The following LTBP1 variants were observed in gnomAD, a reference collection of about 807,000 sequenced individuals.
LTBP1 encodes the protein latent transforming growth factor beta binding protein 1, also known as latent-transforming growth factor beta-binding protein 1.
A neutral mutation model predicts 207.6 loss-of-function variants in LTBP1; 129 were observed. The ratio of observed to expected loss-of-function variants is 0.62; its 90% CI spans 0.54 to 0.72. LTBP1 has a LOEUF of 0.72. LTBP1 is among the 30% of genes least tolerant of loss of function. The pLI is 0.00. For missense variants in LTBP1, 2,281 were observed against 2,217.2 expected, an observed-to-expected ratio of 1.03 and a Z score of -0.58; for synonymous variants, 963 against 833.7, an observed-to-expected ratio of 1.16 and a Z score of -2.67.
chr2:33,118,297 T>C (rs1274521375), intron 4 of LTBP1, among the ~76,000 whole-genome samples: 1 of 151,670 alleles, frequency 6.6e-6, no homozygotes. Context: ...CAGCCATGAA[T>C]GACCTTACAA....
At chr2:32,995,195 C>A (rs529247041) in intron 2 of LTBP1, among the ~76,000 whole-genome samples, 6 of 148,798 alleles carry the variant, frequency 4.0e-5, no homozygotes, top group African/African-American at 9.8e-5. Flanking sequence ...AAAAAAAAAA[C>A]CGCTCTTCAG....
rs911066278 is a variant in LTBP1 at position 33,303,785 on chromosome 2, C to T, written c.3481+2141C>T. On this transcript the variant is annotated intron_variant, in intron 22 of 33. Coordinates refer to ENST00000404816, the MANE Select transcript of LTBP1 (RefSeq NM_206943.4). ...GAGATGGAGCTCAGGCGGTAATGCT[C>T]GCTCCCTGCTGCTCACCTCCTGCAG... Among the ~76,000 whole-genome samples the T allele has an allele frequency of 5.3e-5, 8 of 152,134 alleles. No individual in the cohort carries two copies. In the South Asian group the frequency reaches 8.3e-4, roughly 16 times the overall value.
chr2:33,181,088 C>G (rs1029694246), intron 5 of LTBP1, among the ~76,000 whole-genome samples: 1 of 152,180 alleles, frequency 6.6e-6, no homozygotes, highest in Admixed American at 6.5e-5. Context: ...TTGAAATGGT[C>G]TGTCTGCTGG....
chr2:33,273,401 G>A (rs771066901), intron 15 of LTBP1, among the ~76,000 whole-genome samples: 10 of 152,090 alleles, frequency 6.6e-5, no homozygotes, highest in Non-Finnish European at 1.3e-4. Flanking sequence ...CTTTTTCTGA[G>A]TTTCTTCTCA....
intron 3 of LTBP1, among the ~76,000 whole-genome samples, chr2:33,054,682 G>A (rs2076902765): frequency 6.6e-6 from 1 of 152,176 alleles, no homozygotes; most frequent in Admixed American, 6.5e-5. Context: ...GGACCTTGAG[G>A]ACAGTCGTCC....
At position 33,045,969 on chromosome 2, in the gene LTBP1, C is replaced by T. The variant is rs372649645; in HGVS notation, c.863+24763C>T. Among the ~76,000 whole-genome samples, 126 of 152,234 alleles carry T rather than the reference C, an allele frequency of 8.3e-4. 2 individuals are homozygous for T. The East Asian group carries it at 0.017, about 20-fold the overall frequency. ...TGATTTTTGCACATCGAATTTGTTT[C>T]CTGAGAATTTGCTGAAGTTGCTTAT... On this transcript the variant is annotated intron_variant, in intron 3 of 33. Transcript: ENST00000404816.
At chr2:33,393,037 T>C (rs1032402804) in intron 32 of LTBP1, among the ~76,000 whole-genome samples, 1 of 152,052 alleles carries the variant, frequency 6.6e-6, no homozygotes, top group African/African-American at 2.4e-5. Context: ...TACTCAATTT[T>C]TTTTTTATGG....
chr2:33,389,261 A>G lies in LTBP1; in HGVS notation c.4789A>G (p.Ser1597Gly), dbSNP rs2095294678. The change falls in exon 32 of 34, where the codon AGT becomes GGT. Residue 1597 changes from serine to glycine, a missense_variant. Around this residue, in one of 3 missense-constraint regions of LTBP1, gnomAD observed 1,671 missense variants for 1,634.8 expected, o/e 1.02. Coordinates refer to ENST00000404816, the MANE Select transcript of LTBP1 (RefSeq NM_206943.4). Reference sequence around the variant, plus strand: ...TGGACGGGACGCCTTGGTTGACTTCAGTGAACAGTATACTCCAGAAGCCGA... The same window carrying G: ...TGGACGGGACGCCTTGGTTGACTTCGGTGAACAGTATACTCCAGAAGCCGA... ...PYGRDALVDF[S>G]EQYTPEADPY... is the part of the protein sequence containing the mutation. The G allele has an allele frequency of 6.2e-7, 1 of 1,614,226 alleles. No homozygotes were observed. The highest frequency in any genetic ancestry group is 8.5e-7 in the Non-Finnish European group (1 of 1,180,046).
rs574081239 is a variant in LTBP1, at chr2:33,154,417, A to G, written c.1201+19457A>G. Among the ~76,000 whole-genome samples the G allele has an allele frequency of 5.3e-5, 8 of 152,266 alleles. No individual in the cohort carries two copies. In the South Asian group the frequency reaches 1.5e-3, roughly 28 times the overall value. On this transcript the variant is annotated intron_variant, in intron 5 of 33. Coordinates refer to ENST00000404816, the MANE Select transcript of LTBP1 (RefSeq NM_206943.4). ...ATTTCTGTCTTCTCCCAGAATCTGA[A>G]TGTACTGGCATATGTGTATATATAT...
In LTBP1 at chr2:33,051,669, T is replaced by C. The variant is rs2076751987; in HGVS notation, c.863+30463T>C. ...CTTGAGGCTGCTCTTGGGTTCCCAGTGCTTGTGTTGCCAAGTTGTGTGAAG... is the reference window on the plus strand; with the variant it reads ...CTTGAGGCTGCTCTTGGGTTCCCAGCGCTTGTGTTGCCAAGTTGTGTGAAG... On this transcript the variant is annotated intron_variant, in intron 3 of 33. Transcript: ENST00000404816. 2.0e-5 allele frequency among the ~76,000 whole-genome samples: 3 copies of C among 152,176 alleles called. 1 individual carries two copies. The South Asian group carries it at 6.2e-4, about 31-fold the overall frequency.
Position 33,217,642 on chromosome 2 carries a change from C to A in LTBP1, c.1792C>A (p.Pro598Thr), listed in dbSNP as rs774958490. The change falls in exon 8 of 34, where the codon CCC (proline) becomes ACC (threonine). Residue 598 changes from proline to threonine, a missense_variant. Physicochemically the swap from Pro to Thr is conservative, Grantham distance 38 (BLOSUM62 -1). This residue lies in a region of LTBP1 where 1,671 missense variants were observed against 1,634.8 expected (regional missense o/e 1.02). Coordinates refer to ENST00000404816, the MANE Select transcript of LTBP1 (RefSeq NM_206943.4). ...SWGFNKCQKC[P>T]KKPSYHGYNQ... The stretch of plus-strand genomic sequence containing the variant: ...GGGCTTTAACAAATGCCAGAAATGC[C>A]CCAAGAAACCATGTAAGTAATGTTT... 1.2e-6 allele frequency: 2 copies of A among 1,612,566 alleles called. No individual in the cohort carries two copies. Among genetic ancestry groups the A allele is most frequent in the South Asian group, 2.2e-5 (2 of 90,976 alleles).
At position 33,343,639 on chromosome 2, in the gene LTBP1, A is replaced by G. The variant is rs112279635; in HGVS notation, c.3856+676A>G. On this transcript the variant is annotated intron_variant, in intron 25 of 33. Transcript: ENST00000404816. ...TTAGACAGTGCGTTTAAGGCAAAGT[A>G]TTGCCAGGAGCTTCAGTGTCCAGGA... 1.3e-3 allele frequency among the ~76,000 whole-genome samples: 192 copies of G among 152,282 alleles called. 7 individuals are homozygous for G. Among genetic ancestry groups the G allele is most frequent in the African/African-American group, 4.4e-3 (182 of 41,538 alleles).
intron 3 of LTBP1, among the ~76,000 whole-genome samples, chr2:33,043,700 A>C (rs572296167): frequency 2.0e-4 from 31 of 152,342 alleles, no homozygotes; most frequent in African/African-American, 7.5e-4. Flanking sequence ...CATGTTTTAC[A>C]TGAAGTATTC....
chr2:33,299,182 C>T (rs2148961072), intron 20 of LTBP1, among the ~76,000 whole-genome samples: 1 of 149,510 alleles, frequency 6.7e-6, no homozygotes, highest in South Asian at 2.1e-4. Context: ...ACGGAGGTTG[C>T]AGTGAGCCGA....
intron 4 of LTBP1, among the ~76,000 whole-genome samples, chr2:33,116,133 T>TA (rs2080733516): frequency 6.6e-6 from 1 of 152,220 alleles, no homozygotes. Context: ...CCTAGACGAC[T>TA]GGTTTCCAGA....
chr2:33,393,729 G>A (rs2095336293), intron 32 of LTBP1, among the ~76,000 whole-genome samples: 1 of 152,106 alleles, frequency 6.6e-6, no homozygotes, highest in Non-Finnish European at 1.5e-5. Context: ...CTTTGCTATT[G>A]TGAATAGTGC....
intron 3 of LTBP1, among the ~76,000 whole-genome samples, chr2:33,080,258 C>T (rs2078317279): frequency 6.6e-6 from 1 of 152,126 alleles, no homozygotes; most frequent in African/African-American, 2.4e-5. Context: ...AAACTCCTGA[C>T]CTCAAGTGAT....
intron 3 of LTBP1, among the ~76,000 whole-genome samples, chr2:33,039,573 C>A (rs765904243): frequency 1.2e-4 from 19 of 152,180 alleles, no homozygotes; most frequent in Non-Finnish European, 2.1e-4. Context: ...AGTAAAATAT[C>A]TTTTGTAACC....
intron 24 of LTBP1, among the ~76,000 whole-genome samples, chr2:33,332,372 CAAAAAAAAAAAAAA>C (rs745342264): frequency 1.9e-5 from 1 of 52,480 alleles, no homozygotes; most frequent in African/African-American, 8.1e-5. Flanking sequence ...ACACCATCTC[CAAAAAAAAAAAAAA>C]AAAAAAAAAA....
Sources: allele counts gnomAD v4.1 joint callset (sites outside exome capture counted in the v4.1 genomes callset), GRCh38; gene constraint gnomAD v4.1.1; regional missense constraint gnomAD v4.1.1; transcripts MANE v1.5; gene names NCBI Gene and HGNC (gene_info 2026-07-23, HGNC 2026-07-21).